The following LRRC4C variants were observed in gnomAD, a reference collection of about 807,000 sequenced individuals.
LRRC4C encodes leucine rich repeat containing 4C.
LRRC4C carries 5 observed loss-of-function variants against 33.6 expected under a neutral mutation model. The ratio of observed to expected loss-of-function variants is 0.15; its 90% CI spans 0.08 to 0.31. The LOEUF is 0.31. Ranked by LOEUF, LRRC4C falls within the 10% of genes least tolerant of loss-of-function variation. The pLI, the probability that LRRC4C is intolerant of heterozygous loss-of-function variation, is 1.00. For missense variants in LRRC4C, 560 were observed against 796.7 expected (o/e 0.70, Z 3.58); for synonymous variants, 329 against 302.0 (o/e 1.09, Z -0.93).
chr11:40,260,868 A>C (rs954909311), intron 4 of LRRC4C, among the ~76,000 whole-genome samples: 10 of 152,278 alleles, frequency 6.6e-5, no homozygotes, highest in African/African-American at 1.9e-4. Flanking sequence ...GAATCACAAA[A>C]CATACAAAAA....
intron 1 of LRRC4C, among the ~76,000 whole-genome samples, chr11:41,184,092 AT>A (rs1945577850): frequency 6.6e-6 from 1 of 151,526 alleles, no homozygotes; most frequent in African/African-American, 2.4e-5. Flanking sequence ...CCACAAAACC[AT>A]TTTTTCCTCC....
intron 5 of LRRC4C, among the ~76,000 whole-genome samples, chr11:40,163,467 G>T (rs971197592): frequency 6.6e-6 from 1 of 152,108 alleles, no homozygotes; most frequent in Non-Finnish European, 1.5e-5. Flanking sequence ...TGCTGGCAAG[G>T]TATCAAGTGT....
At chr11:40,658,602 G>A (rs1943254197) in intron 2 of LRRC4C, among the ~76,000 whole-genome samples, 1 of 152,162 alleles carries the variant, frequency 6.6e-6, no homozygotes, top group Admixed American at 6.5e-5. Context: ...TTGACTGGTG[G>A]AAGAGTGCAG....
chr11:40,175,367 C>A (rs1860388971), intron 5 of LRRC4C, among the ~76,000 whole-genome samples: 1 of 152,204 alleles, frequency 6.6e-6, no homozygotes, highest in Non-Finnish European at 1.5e-5. Context: ...TCCCAGTGAA[C>A]AAGGAAAACC....
intron 1 of LRRC4C, among the ~76,000 whole-genome samples, chr11:41,161,502 C>A (rs916041472): frequency 6.6e-6 from 1 of 152,086 alleles, no homozygotes; most frequent in African/African-American, 2.4e-5. Context: ...ATATTAAGTA[C>A]CTTTTCCATC....
intron 3 of LRRC4C, among the ~76,000 whole-genome samples, chr11:40,363,003 T>A (rs1297417315): frequency 6.6e-6 from 1 of 152,144 alleles, no homozygotes; most frequent in African/African-American, 2.4e-5. Flanking sequence ...GAAGACAGTG[T>A]AGTGATGCCT....
intron 2 of LRRC4C, among the ~76,000 whole-genome samples, chr11:40,757,252 C>CA: frequency 6.6e-6 from 1 of 152,028 alleles, no homozygotes; most frequent in Non-Finnish European, 1.5e-5. Context: ...GTCTTTGTGT[C>CA]ATTCTTCTAA....
intron 3 of LRRC4C, among the ~76,000 whole-genome samples, chr11:40,483,784 T>TATATATATGTATATGTATGTATATAC: frequency 1.4e-5 from 2 of 142,172 alleles, no homozygotes; most frequent in South Asian, 4.2e-4. Context: ...TATATATATG[T>TATATATATGTATATGTATGTATATAC]ATATATATGT....
chr11:40,232,165 C>G (rs1170475137), intron 5 of LRRC4C, among the ~76,000 whole-genome samples: 3 of 152,184 alleles, frequency 2.0e-5, no homozygotes, highest in Admixed American at 2.0e-4. Context: ...TGCCACCACA[C>G]CTAGCTATTT....
chr11:41,348,608 A>G (rs1395636895), intron 1 of LRRC4C, among the ~76,000 whole-genome samples: 6 of 151,120 alleles, frequency 4.0e-5, no homozygotes, highest in Admixed American at 6.6e-5. Flanking sequence ...AGACCAGACT[A>G]TGGAGAAGAC....
At chr11:40,562,946 CTT>C (rs567360534) in intron 3 of LRRC4C, among the ~76,000 whole-genome samples, 1 of 140,412 alleles carries the variant, frequency 7.1e-6, no homozygotes, top group African/African-American at 2.6e-5. Flanking sequence ...TTTTTTTTTT[CTT>C]TTTTTTTTGT....
At chr11:41,120,739 T>A (rs916450013) in intron 1 of LRRC4C, among the ~76,000 whole-genome samples, 5 of 152,188 alleles carry the variant, frequency 3.3e-5, no homozygotes, top group African/African-American at 1.2e-4. Context: ...TGTGTCCCTA[T>A]CCAAATCTCA....
At chr11:41,208,818 T>C (rs1946701994) in intron 1 of LRRC4C, among the ~76,000 whole-genome samples, 2 of 152,148 alleles carry the variant, frequency 1.3e-5, no homozygotes, top group Admixed American at 6.5e-5. Context: ...TCCTTGGTTT[T>C]AGTGGGCCAG....
chr11:40,482,542 C>T (rs1276654677), intron 3 of LRRC4C, among the ~76,000 whole-genome samples: 1 of 151,946 alleles, frequency 6.6e-6, no homozygotes, highest in East Asian at 1.9e-4. Context: ...AGTGTCAGCT[C>T]ACTGCAACCT....
At chr11:40,283,693 C>CT (rs5791366) in intron 4 of LRRC4C, among the ~76,000 whole-genome samples, 23 of 59,298 alleles carry the variant, frequency 3.9e-4, no homozygotes, top group African/African-American at 7.8e-4. Flanking sequence ...GGTCCATATT[C>CT]TTTTTTTTTT....
intron 2 of LRRC4C, among the ~76,000 whole-genome samples, chr11:40,770,020 TA>T (rs979963576): frequency 9.2e-5 from 14 of 151,754 alleles, no homozygotes; most frequent in African/African-American, 2.7e-4. Context: ...CATATCAAGT[TA>T]AAAAAAATTC....
At chr11:41,458,795 G>T (rs915563262) in intron 1 of LRRC4C, among the ~76,000 whole-genome samples, 1 of 152,056 alleles carries the variant, frequency 6.6e-6, no homozygotes, top group Non-Finnish European at 1.5e-5. Context: ...AGGTTAATGA[G>T]ATGCAATAGC....
At chr11:40,252,131 C>T (rs1866833179) in intron 4 of LRRC4C, among the ~76,000 whole-genome samples, 1 of 151,952 alleles carries the variant, frequency 6.6e-6, no homozygotes, top group Non-Finnish European at 1.5e-5. Context: ...ATAGTGGCAA[C>T]ATTACTGACC....
intron 1 of LRRC4C, among the ~76,000 whole-genome samples, chr11:40,973,625 A>T (rs1367020253): frequency 6.6e-6 from 1 of 152,166 alleles, no homozygotes; most frequent in Admixed American, 6.5e-5. Flanking sequence ...TTATTATAGA[A>T]GTCCTGGTTT....
Sources: gnomAD v4.1 joint callset for allele counts (sites outside exome capture counted in the v4.1 genomes callset) on GRCh38, gnomAD v4.1.1 for gene constraint, MANE v1.5 for transcripts, NCBI Gene and HGNC (gene_info 2026-07-23, HGNC 2026-07-21) for gene names.